The following NSUN6 variants were observed in gnomAD, a reference collection of about 807,000 sequenced individuals.
NSUN6 encodes the protein NOP2/Sun RNA methyltransferase 6.
Under a neutral mutation model 58.0 loss-of-function variants are expected in NSUN6, and 64 were observed. That is an observed-to-expected ratio of 1.10 (90% CI 0.90 to 1.36). NSUN6 has a LOEUF of 1.36. Among genes scored for constraint, NSUN6 ranks in the 40% most tolerant of loss-of-function variants. The probability of loss-of-function intolerance (pLI) is 0.00; values close to 1 mark genes in which losing one functional copy is unlikely to be tolerated. For synonymous variants in NSUN6, 231 were observed against 193.9 expected (o/e 1.19, Z -1.59); for missense variants, 701 against 550.1 (o/e 1.27, Z -2.74).
At chr10:18,586,482 C>T (rs776711389) in intron 7 of NSUN6, among the ~76,000 whole-genome samples, 3 of 149,198 alleles carry the variant, frequency 2.0e-5, no homozygotes, top group African/African-American at 5.0e-5. Flanking sequence ...TTAAAGGTGG[C>T]GCGTCTGCAG....
chr10:18,588,945 T>C (rs747400092), intron 7 of NSUN6, among the ~76,000 whole-genome samples: 1 of 152,134 alleles, frequency 6.6e-6, no homozygotes, highest in Non-Finnish European at 1.5e-5. Flanking sequence ...AGTAGGCTTC[T>C]GAAGGTGGGT....
chr10:18,608,877 T>A (rs1012128844), intron 6 of NSUN6, among the ~76,000 whole-genome samples: 6 of 152,174 alleles, frequency 3.9e-5, no homozygotes, highest in Non-Finnish European at 8.8e-5. Context: ...AAATGATTCA[T>A]AAACAATTGT....
intron 3 of NSUN6, among the ~76,000 whole-genome samples, chr10:18,625,524 C>A (rs1021682848): frequency 1.8e-4 from 28 of 151,764 alleles, no homozygotes; most frequent in African/African-American, 4.1e-4. Context: ...ACCAGCCTGA[C>A]CAACATGGTA....
At chr10:18,614,708 C>T (rs1057277376) in intron 4 of NSUN6, 95 bp from the exon 5 acceptor site, 1 of 479,878 alleles carries the variant, frequency 2.1e-6, no homozygotes, top group Non-Finnish European at 3.4e-6. Flanking sequence ...CTAGAGGCAT[C>T]AATAGTGGGC....
chr10:18,619,807 T>C (rs1028602783), intron 3 of NSUN6, among the ~76,000 whole-genome samples: 1 of 152,228 alleles, frequency 6.6e-6, no homozygotes, highest in African/African-American at 2.4e-5. Context: ...AGAAACACAC[T>C]TGATAAAAGA....
intron 8 of NSUN6, among the ~76,000 whole-genome samples, chr10:18,574,166 G>T (rs1306288257): frequency 6.6e-6 from 1 of 152,066 alleles, no homozygotes; most frequent in Non-Finnish European, 1.5e-5. Context: ...CTTAGACCCA[G>T]TCACTTGTGG....
chr10:18,629,557 A>C (rs2058953197), intron 3 of NSUN6, among the ~76,000 whole-genome samples: 1 of 130,576 alleles, frequency 7.7e-6, no homozygotes, highest in Non-Finnish European at 1.7e-5. Flanking sequence ...AGGATGGAGG[A>C]AGATCTACCA....
In NSUN6 at chr10:18,567,786, C is replaced by A. The variant is rs927344969; in HGVS notation, c.923-15815G>T. The stretch of plus-strand genomic sequence containing the variant: ...TTTCATTCCATTCTCCATTCCATTG[C>A]ATTCTACATTCTTCATTCCATTCTC... On this transcript the variant is annotated intron_variant, in intron 8 of 10. Coordinates refer to ENST00000377304, the MANE Select transcript of NSUN6 (RefSeq NM_182543.5). 2.7e-5 allele frequency among the ~76,000 whole-genome samples: 4 copies of A among 150,098 alleles called. No homozygotes were observed. In the Admixed American group the frequency reaches 2.7e-4, roughly 10 times the overall value.
chr10:18,648,556 G>C lies in NSUN6; in HGVS notation c.165C>G (p.Val55=), dbSNP rs2131598986. The C allele has an allele frequency of 6.2e-7, 1 of 1,606,294 alleles. No individual in the cohort carries two copies. Among genetic ancestry groups the C allele is most frequent in the Non-Finnish European group, 8.5e-7 (1 of 1,173,110 alleles). Residue 55 remains valine, a synonymous_variant, in exon 2 of 11, where the codon GTC becomes GTG. Transcript: ENST00000377304. ...HLSHPPSFTT[V]RVNTHLASVQ... ...CTGAGGCTAAATGTGTATTCACTCT[G>C]ACAGTTGTAAATGATGGAGGATGTG...
intron 3 of NSUN6, among the ~76,000 whole-genome samples, chr10:18,620,133 G>C (rs1483969843): frequency 6.6e-6 from 1 of 150,962 alleles, no homozygotes; most frequent in East Asian, 1.9e-4. Flanking sequence ...TGTCTCCCAG[G>C]CTGGAGTGCA....
At chr10:18,633,010 T>A (rs1376782234) in intron 3 of NSUN6, among the ~76,000 whole-genome samples, 1 of 151,944 alleles carries the variant, frequency 6.6e-6, no homozygotes, top group African/African-American at 2.4e-5. Flanking sequence ...CCAACCCAAA[T>A]GTCCAACAAT....
intron 9 of NSUN6, among the ~76,000 whole-genome samples, chr10:18,550,009 G>A (rs898398859): frequency 1.3e-5 from 2 of 152,200 alleles, no homozygotes; most frequent in South Asian, 2.1e-4. Flanking sequence ...AGGTGGAAGA[G>A]CCATGGCTCA....
At chr10:18,629,146 C>G (rs377472182) in intron 3 of NSUN6, among the ~76,000 whole-genome samples, 8 of 152,036 alleles carry the variant, frequency 5.3e-5, no homozygotes, top group Non-Finnish European at 7.4e-5. Flanking sequence ...TTCATATCCA[C>G]CCAAACTAAG....
chr10:18,647,030 TTA>T (rs1189295372), intron 2 of NSUN6, among the ~76,000 whole-genome samples: 59 of 152,290 alleles, frequency 3.9e-4, no homozygotes, highest in African/African-American at 1.1e-3. Context: ...AGATTAATTT[TTA>T]AAAAATCTTA....
intron 8 of NSUN6, among the ~76,000 whole-genome samples, chr10:18,576,441 G>A (rs1246062405): frequency 1.3e-5 from 2 of 152,040 alleles, no homozygotes; most frequent in African/African-American, 4.8e-5. Context: ...TGCCATAGTT[G>A]GTCCAACATT....
At chr10:18,631,979 G>A (rs1227484934) in intron 3 of NSUN6, among the ~76,000 whole-genome samples, 2 of 152,034 alleles carry the variant, frequency 1.3e-5, no homozygotes, top group Non-Finnish European at 2.9e-5. Context: ...AAAGCTGGAG[G>A]CATCACACTA....
intron 8 of NSUN6, among the ~76,000 whole-genome samples, chr10:18,580,393 T>A (rs1376220470): frequency 2.0e-5 from 3 of 152,104 alleles, no homozygotes; most frequent in African/African-American, 7.2e-5. Flanking sequence ...AAGCTCCCAG[T>A]CAAGGAATGA....
intron 2 of NSUN6, among the ~76,000 whole-genome samples, chr10:18,644,278 T>A (rs910182210): frequency 1.3e-5 from 2 of 152,164 alleles, no homozygotes; most frequent in African/African-American, 4.8e-5. Context: ...AAATCTGAAA[T>A]GTTACAAATC....
chr10:18,568,896 T>A (rs1000137423), intron 8 of NSUN6, among the ~76,000 whole-genome samples: 1 of 151,124 alleles, frequency 6.6e-6, no homozygotes, highest in Non-Finnish European at 1.5e-5. Context: ...TCCATTCCAA[T>A]CCATTCTACT....
Sources: gnomAD v4.1 joint callset for allele counts (sites outside exome capture counted in the v4.1 genomes callset) on GRCh38, gnomAD v4.1.1 for gene constraint, MANE v1.5 for transcripts, NCBI Gene and HGNC (gene_info 2026-07-23, HGNC 2026-07-21) for gene names.